Variants in AKAP19 observed in about 807,000 individuals in gnomAD.
AKAP19 encodes small A-kinase anchoring protein.
the AKAP19 span, among the ~76,000 whole-genome samples, chr2:190,011,076 G>A: frequency 1.9e-4 from 14 of 71,978 alleles, no homozygotes; most frequent in East Asian, 4.9e-3. Flanking sequence ...TTTTTTTTGA[G>A]ACAGTCTTTC....
the AKAP19 span, among the ~76,000 whole-genome samples, chr2:190,126,382 A>G: frequency 5.5e-3 from 811 of 147,436 alleles, 5 homozygotes; most frequent in Middle Eastern, 0.011. Flanking sequence ...TTAACAGAAA[A>G]TTCTGTTGTG....
the AKAP19 span, among the ~76,000 whole-genome samples, chr2:190,014,248 G>A: frequency 2.6e-5 from 4 of 152,142 alleles, no homozygotes; most frequent in Non-Finnish European, 4.4e-5. Flanking sequence ...ATTTACAAAG[G>A]AAAAGGGTTT....
chr2:190,008,764 ACACACACC>A, the AKAP19 span, among the ~76,000 whole-genome samples: 5,738 of 117,062 alleles, frequency 0.049, 136 homozygotes, highest in Middle Eastern at 0.087. Flanking sequence ...ACACACACAC[ACACACACC>A]CACCTGGTCT....
the AKAP19 span, among the ~76,000 whole-genome samples, chr2:190,006,974 C>G: frequency 4.9e-3 from 749 of 152,072 alleles, 9 homozygotes; most frequent in African/African-American, 0.017. Context: ...GAGCCGAGAT[C>G]GCACCACTGC....
At chr2:190,079,036 C>T in the AKAP19 span, among the ~76,000 whole-genome samples, 18 of 152,130 alleles carry the variant, frequency 1.2e-4, no homozygotes, top group South Asian at 3.7e-3. Flanking sequence ...ATGCTTTTTC[C>T]ATAGATATTT....
At chr2:189,980,500 A>G in the AKAP19 span, among the ~76,000 whole-genome samples, 1 of 151,992 alleles carries the variant, frequency 6.6e-6, no homozygotes, top group Non-Finnish European at 1.5e-5. Flanking sequence ...ATGCCCAGTT[A>G]GTTTTTGTAT....
chr2:190,198,573 A>G, the AKAP19 span, among the ~76,000 whole-genome samples: 3 of 144,168 alleles, frequency 2.1e-5, no homozygotes, highest in Non-Finnish European at 4.5e-5. Context: ...TCCAGGCTAC[A>G]GTGAGCCGTG....
chr2:189,999,274 G>A, the AKAP19 span, among the ~76,000 whole-genome samples: 1 of 151,898 alleles, frequency 6.6e-6, no homozygotes, highest in African/African-American at 2.4e-5. Flanking sequence ...ATTTTGGTGT[G>A]TTTCGTTTTC....
chr2:190,062,672 C>T, the AKAP19 span: 4 of 1,453,728 alleles, frequency 2.8e-6, no homozygotes, highest in Non-Finnish European at 3.8e-6. Flanking sequence ...TGAGTAATGC[C>T]AAGCAAAATT....
At chr2:189,932,357 G>A in the AKAP19 span, among the ~76,000 whole-genome samples, 22 of 147,008 alleles carry the variant, frequency 1.5e-4, 1 homozygote, top group African/African-American at 4.6e-4. Flanking sequence ...GCAGTGAGCC[G>A]AGATCGCACC....
chr2:189,933,459 C>CT, the AKAP19 span, among the ~76,000 whole-genome samples: 3 of 152,096 alleles, frequency 2.0e-5, no homozygotes, highest in Non-Finnish European at 4.4e-5. Context: ...TTTAAACAGT[C>CT]ATTTTTCATA....
the AKAP19 span, among the ~76,000 whole-genome samples, chr2:190,117,893 G>A: frequency 6.6e-6 from 1 of 152,106 alleles, no homozygotes; most frequent in African/African-American, 2.4e-5. Context: ...TTTTTGTTTG[G>A]TTGCTAACGT....
chr2:189,961,650 C>T, the AKAP19 span, among the ~76,000 whole-genome samples: 1 of 152,048 alleles, frequency 6.6e-6, no homozygotes, highest in Non-Finnish European at 1.5e-5. Flanking sequence ...TGGTGGCTCA[C>T]ACCTGTAATC....
At chr2:190,108,861 A>C in the AKAP19 span, among the ~76,000 whole-genome samples, 10 of 151,712 alleles carry the variant, frequency 6.6e-5, no homozygotes, top group Non-Finnish European at 7.4e-5. Flanking sequence ...ATAGGAGAAA[A>C]TATTTTCTCT....
the AKAP19 span, among the ~76,000 whole-genome samples, chr2:190,107,300 C>T: frequency 2.6e-5 from 4 of 152,152 alleles, no homozygotes; most frequent in Non-Finnish European, 5.9e-5. Context: ...AAAAATAATA[C>T]TCACTTCACT....
At chr2:189,886,633 A>G in the AKAP19 span, among the ~76,000 whole-genome samples, 1 of 152,232 alleles carries the variant, frequency 6.6e-6, no homozygotes, top group Non-Finnish European at 1.5e-5. Flanking sequence ...TAAACGTCAT[A>G]TCAGCAAGGT....
the AKAP19 span, among the ~76,000 whole-genome samples, chr2:189,968,265 T>C: frequency 2.0e-5 from 3 of 152,188 alleles, no homozygotes; most frequent in Admixed American, 6.5e-5. Flanking sequence ...AGAGACAGGG[T>C]CTTGTCCTGT....
chr2:190,200,025 T>C, the AKAP19 span: 2 of 1,614,078 alleles, frequency 1.2e-6, no homozygotes, highest in African/African-American at 2.7e-5. Flanking sequence ...CAGGGACCAA[T>C]ACTGTGATCT....
At chr2:190,127,316 T>A in the AKAP19 span, among the ~76,000 whole-genome samples, 1 of 152,012 alleles carries the variant, frequency 6.6e-6, no homozygotes, top group African/African-American at 2.4e-5. Flanking sequence ...TGACTCTAGC[T>A]TTCTAGGATC....
Sources: gnomAD v4.1 joint callset for allele counts (sites outside exome capture counted in the v4.1 genomes callset) on GRCh38, gnomAD v4.1.1 for gene constraint, MANE v1.5 for transcripts, NCBI Gene and HGNC (gene_info 2026-07-23, HGNC 2026-07-21) for gene names.